Variants in SPTLC2 observed in about 807,000 individuals in gnomAD.
SPTLC2 encodes serine palmitoyltransferase long chain base subunit 2, also known as serine palmitoyltransferase 2.
A neutral mutation model predicts 62.0 loss-of-function variants in SPTLC2; 21 were observed. That is an observed-to-expected ratio of 0.34 (90% CI 0.24 to 0.49). The LOEUF is 0.49. SPTLC2 is among the 20% of genes least tolerant of loss of function. The probability of loss-of-function intolerance (pLI) is 0.99; values close to 1 mark genes in which losing one functional copy is unlikely to be tolerated. For synonymous variants in SPTLC2, 261 were observed against 261.8 expected, an observed-to-expected ratio of 1.00 and a Z score of 0.03; for missense variants, 511 against 713.0, an observed-to-expected ratio of 0.72 and a Z score of 3.23.
At chr14:77,531,501 C>CT (rs1566770848) in intron 9 of SPTLC2, among the ~76,000 whole-genome samples, 8 of 98,560 alleles carry the variant, frequency 8.1e-5, no homozygotes, top group African/African-American at 3.3e-4. Context: ...CCTCCTCCTC[C>CT]TCCTCCTCTT....
intron 11 of SPTLC2, among the ~76,000 whole-genome samples, chr14:77,516,360 T>C (rs2079359919): frequency 6.6e-6 from 1 of 152,194 alleles, no homozygotes; most frequent in African/African-American, 2.4e-5. Flanking sequence ...ATGTGTACAG[T>C]TCTCAGAAGT....
chr14:77,552,026 A>T, intron 9 of SPTLC2, 70 bp downstream of exon 9: 1 of 1,592,316 alleles, frequency 6.3e-7, no homozygotes, highest in Non-Finnish European at 8.5e-7. Flanking sequence ...TTAGGAAAAA[A>T]GCTCAAGAAA....
intron 2 of SPTLC2, among the ~76,000 whole-genome samples, chr14:77,592,919 T>C (rs1273338132): frequency 6.6e-6 from 1 of 152,072 alleles, no homozygotes; most frequent in Non-Finnish European, 1.5e-5. Flanking sequence ...CTGGCCAACA[T>C]GGTGAAACCT....
chr14:77,564,236 G>T (rs368418816), intron 5 of SPTLC2, among the ~76,000 whole-genome samples: 1,160 of 110,618 alleles, frequency 0.01, 15 homozygotes, highest in African/African-American at 0.037. Flanking sequence ...TGTCTGGGGG[G>T]AAAAAAAAAA....
At chr14:77,545,996 A>G (rs893728216) in intron 9 of SPTLC2, among the ~76,000 whole-genome samples, 9 of 152,238 alleles carry the variant, frequency 5.9e-5, no homozygotes, top group African/African-American at 2.2e-4. Context: ...CATGGAGAGA[A>G]AACAGGGAGG....
intron 1 of SPTLC2, 93 bp from the exon 2 acceptor site, chr14:77,597,473 C>T: frequency 8.0e-7 from 1 of 1,251,456 alleles, no homozygotes; most frequent in Non-Finnish European, 1.1e-6. Flanking sequence ...TGAATTATAC[C>T]TTAAGAATTT....
intron 5 of SPTLC2, among the ~76,000 whole-genome samples, chr14:77,564,230 T>TGG (rs1207342490): frequency 3.8e-5 from 1 of 26,236 alleles, no homozygotes; most frequent in African/African-American, 1.2e-4. Context: ...AGACTCTGTC[T>TGG]GGGGGGAAAA....
At chr14:77,588,139 C>T (rs1438973322) in intron 2 of SPTLC2, among the ~76,000 whole-genome samples, 1 of 152,082 alleles carries the variant, frequency 6.6e-6, no homozygotes, top group East Asian at 1.9e-4. Context: ...AGATCTCTCT[C>T]TGTTGCCCAC....
intron 5 of SPTLC2, among the ~76,000 whole-genome samples, chr14:77,569,668 C>T (rs142727580): frequency 4.9e-4 from 73 of 150,288 alleles, no homozygotes; most frequent in African/African-American, 1.7e-3. Context: ...CCTCAAGGGG[C>T]CTTTCAGGAT....
chr14:77,612,305 G>T (rs1416706184), intron 1 of SPTLC2, among the ~76,000 whole-genome samples: 1 of 152,208 alleles, frequency 6.6e-6, no homozygotes, highest in Non-Finnish European at 1.5e-5. Flanking sequence ...ACCCTAAAAA[G>T]TGGGCAAGTC....
At chr14:77,559,034 C>T (rs2079600502) in intron 6 of SPTLC2, among the ~76,000 whole-genome samples, 1 of 152,086 alleles carries the variant, frequency 6.6e-6, no homozygotes, top group African/African-American at 2.4e-5. Context: ...ATAAAAGAAG[C>T]ATCAGCCAGG....
Position 77,529,631 on chromosome 14 carries a change from T to C in SPTLC2, c.1304-8050A>G, listed in dbSNP as rs1198333087. On this transcript the variant is annotated intron_variant, in intron 9 of 11. Transcript: ENST00000216484. ...CAATTTCTTTCTTTCTTTTTTTTTT[T>C]TTTTTTTTTTTGAGACAGAGTCATT... 3.6e-5 allele frequency among the ~76,000 whole-genome samples: 5 copies of C among 137,648 alleles called. 1 individual carries two copies. The highest frequency in any genetic ancestry group is 7.9e-5 in the Non-Finnish European group (5 of 63,108). 90.3% of individuals were successfully genotyped at this position (137,648 alleles called of 152,430 possible). A position where few individuals can be genotyped will look rare whatever the true frequency, so the allele number is the denominator to read the frequency against.
chr14:77,604,572 A>T (rs920861070), intron 1 of SPTLC2, among the ~76,000 whole-genome samples: 5 of 152,152 alleles, frequency 3.3e-5, no homozygotes, highest in African/African-American at 9.7e-5. Flanking sequence ...AGAAATTTTT[A>T]AAAAATATTT....
intron 9 of SPTLC2, among the ~76,000 whole-genome samples, chr14:77,531,278 G>A (rs11159272): frequency 0.23 from 35,069 of 152,048 alleles, 4,802 homozygotes; most frequent in East Asian, 0.56. Flanking sequence ...GGCTGTGCAT[G>A]CCAACAGTGC....
Position 77,597,404 on chromosome 14 carries a change from T to G in SPTLC2, c.133-24A>C, listed in dbSNP as rs375502482. ...ATCTAAAAGAGAGGTTAAAAATGTT[T>G]ATTTCCATCATGGCAAGAAAAACAT... On this transcript the variant is annotated intron_variant, in intron 1 of 11. Coordinates refer to ENST00000216484, the MANE Select transcript of SPTLC2 (RefSeq NM_004863.4). 2.9e-5 allele frequency: 46 copies of G among 1,599,874 alleles called. No individual in the cohort carries two copies. The African/African-American group carries it at 6.0e-4, about 21-fold the overall frequency.
At chr14:77,612,903 G>A (rs1363535526) in intron 1 of SPTLC2, among the ~76,000 whole-genome samples, 1 of 151,868 alleles carries the variant, frequency 6.6e-6, no homozygotes, top group African/African-American at 2.4e-5. Context: ...ACACCCAAAG[G>A]GAAAAAAGTT....
At chr14:77,570,266 CTTTGGCTAAACTATGT>C in intron 5 of SPTLC2, 102 bp downstream of exon 5, 1 of 1,048,030 alleles carries the variant, frequency 9.5e-7, no homozygotes, top group African/African-American at 1.7e-5. Context: ...GTAGAAATAT[CTTTGGCTAAACTATGT>C]TTAGCCTAAA....
intron 9 of SPTLC2, among the ~76,000 whole-genome samples, chr14:77,528,420 G>A (rs919859398): frequency 3.9e-5 from 6 of 152,118 alleles, no homozygotes; most frequent in South Asian, 4.2e-4. Context: ...TAGTAGAGAC[G>A]GGGTTTCTCC....
chr14:77,612,432 C>T (rs2079943132), intron 1 of SPTLC2, among the ~76,000 whole-genome samples: 1 of 152,186 alleles, frequency 6.6e-6, no homozygotes, highest in African/African-American at 2.4e-5. Flanking sequence ...CTCTGGAATT[C>T]TTCAGATGCA....
Sources: gnomAD v4.1 joint callset for allele counts (sites outside exome capture counted in the v4.1 genomes callset) on GRCh38, gnomAD v4.1.1 for gene constraint, MANE v1.5 for transcripts, NCBI Gene and HGNC (gene_info 2026-07-23, HGNC 2026-07-21) for gene names.